Variants in LHFPL2 observed in about 807,000 individuals in gnomAD.
The protein encoded by LHFPL2 is LHFPL tetraspan subfamily member 2 protein.
A neutral mutation model predicts 17.5 loss-of-function variants in LHFPL2; 7 were observed. The observed-to-expected ratio is 0.40, with a 90% confidence interval of 0.23 to 0.75. The LOEUF is 0.75. LHFPL2 is among the 30% of genes least tolerant of loss of function. The pLI, the probability that LHFPL2 is intolerant of heterozygous loss-of-function variation, is 0.37. For missense variants in LHFPL2, 241 were observed against 294.8 expected, an observed-to-expected ratio of 0.82 and a Z score of 1.34; for synonymous variants, 134 against 116.2, an observed-to-expected ratio of 1.15 and a Z score of -0.99.
At chr5:78,637,129 C>T (rs1211668302) in intron 1 of LHFPL2, among the ~76,000 whole-genome samples, 3 of 152,122 alleles carry the variant, frequency 2.0e-5, no homozygotes, top group African/African-American at 4.8e-5. Context: ...CCACTCCAGA[C>T]CTATGAAGCC....
intron 3 of LHFPL2, among the ~76,000 whole-genome samples, chr5:78,518,480 C>G (rs1203665000): frequency 6.6e-6 from 1 of 152,230 alleles, no homozygotes; most frequent in East Asian, 1.9e-4. Context: ...ATTTAGGATT[C>G]ATATTACGCT....
intron 3 of LHFPL2, among the ~76,000 whole-genome samples, chr5:78,513,499 AG>A (rs1435425415): frequency 2.0e-5 from 3 of 152,186 alleles, no homozygotes; most frequent in African/African-American, 7.2e-5. Flanking sequence ...CTACTATCAG[AG>A]GAACAGTGGT....
At chr5:78,600,044 G>T (rs950728581) in intron 2 of LHFPL2, among the ~76,000 whole-genome samples, 1 of 152,024 alleles carries the variant, frequency 6.6e-6, no homozygotes, top group Non-Finnish European at 1.5e-5. Context: ...CCTTCAGAAA[G>T]AGCTACTTCC....
At chr5:78,544,762 CACACACACGTAT>C (rs1406296301) in intron 3 of LHFPL2, among the ~76,000 whole-genome samples, 1 of 151,670 alleles carries the variant, frequency 6.6e-6, no homozygotes, top group Admixed American at 6.6e-5. Context: ...TACACACACA[CACACACACGTAT>C]ACACACACAC....
At position 78,623,666 on chromosome 5, in the gene LHFPL2, T is replaced by C. The variant is rs148847628; in HGVS notation, c.-245+8598A>G. Among the ~76,000 whole-genome samples the C allele has an allele frequency of 5.8e-3, 885 of 152,344 alleles. 8 individuals are homozygous for C. The highest frequency in any genetic ancestry group is 0.02 in the African/African-American group (832 of 41,570). On this transcript the variant is annotated intron_variant, in intron 2 of 4. Transcript: ENST00000380345. Reference sequence around the variant, plus strand: ...GGCACTCCCACCTCACTTTTGTTTATACTTTCAAGAATCCTGAAGAGAATA... The same window carrying C: ...GGCACTCCCACCTCACTTTTGTTTACACTTTCAAGAATCCTGAAGAGAATA...
chr5:78,589,096 GATGAC>G (rs1743533806), intron 2 of LHFPL2, among the ~76,000 whole-genome samples: 2 of 152,124 alleles, frequency 1.3e-5, no homozygotes, highest in Admixed American at 1.3e-4. Flanking sequence ...GTCAGGCCTG[GATGAC>G]CCAGACTGTG....
Position 78,617,871 on chromosome 5 carries a change from AGT to A in LHFPL2, c.-245+14391_-245+14392del, listed in dbSNP as rs1244432631. 5.3e-5 allele frequency among the ~76,000 whole-genome samples: 8 copies of A among 151,520 alleles called. 1 individual carries two copies. The highest frequency in any genetic ancestry group is 1.7e-4 in the African/African-American group (7 of 41,084). On this transcript the variant is annotated intron_variant, in intron 2 of 4. Transcript: ENST00000380345. Reference sequence around the variant, plus strand: ...GCCAAAGAGGCATTAAAGTCTGCAGAGTGGGGCAAAACTTATTCCCAGGCATC... The same window carrying A: ...GCCAAAGAGGCATTAAAGTCTGCAGAGGGGCAAAACTTATTCCCAGGCATC...
intron 3 of LHFPL2, among the ~76,000 whole-genome samples, chr5:78,538,196 G>A (rs563731578): frequency 1.3e-5 from 2 of 152,316 alleles, no homozygotes; most frequent in Admixed American, 6.5e-5. Flanking sequence ...GCAGTCACCT[G>A]ATGTAGATTG....
At chr5:78,489,306 C>A (rs981245400) in intron 4 of LHFPL2, among the ~76,000 whole-genome samples, 153 bp from the exon 5 acceptor site, 1 of 152,194 alleles carries the variant, frequency 6.6e-6, no homozygotes, top group Non-Finnish European at 1.5e-5. Context: ...ACTAATCTGA[C>A]CTGATCAAGA....
At position 78,510,781 on chromosome 5, in the gene LHFPL2, G is replaced by A. The variant is rs926218092; in HGVS notation, c.-185-383C>T. Among the ~76,000 whole-genome samples the A allele has an allele frequency of 2.0e-5, 3 of 152,218 alleles. No individual in the cohort carries two copies. The East Asian group carries it at 5.8e-4, about 29-fold the overall frequency. ...GATCCAGAGAGGAGGAGGCAAGACTGGCAATCAACTCTATTAGTGGATGTT... is the reference window on the plus strand; with the variant it reads ...GATCCAGAGAGGAGGAGGCAAGACTAGCAATCAACTCTATTAGTGGATGTT... On this transcript the variant is annotated intron_variant, in intron 3 of 4. Transcript: ENST00000380345.
chr5:78,531,329 C>T (rs896100333), intron 3 of LHFPL2, among the ~76,000 whole-genome samples: 6 of 150,718 alleles, frequency 4.0e-5, no homozygotes, highest in Admixed American at 1.3e-4. Context: ...GCAGGAGAAT[C>T]GCTTGAATCC....
chr5:78,519,482 G>C (rs2114977), intron 3 of LHFPL2, among the ~76,000 whole-genome samples: 62,909 of 151,940 alleles, frequency 0.41, 13,467 homozygotes, highest in African/African-American at 0.51. Flanking sequence ...ACCTCCACCC[G>C]TCCAGGGCAA....
At chr5:78,534,580 G>A (rs16875600) in intron 3 of LHFPL2, among the ~76,000 whole-genome samples, 4,740 of 152,332 alleles carry the variant, frequency 0.031, 240 homozygotes, top group African/African-American at 0.11. Flanking sequence ...AAGCAAAATA[G>A]GAACAGAACA....
At chr5:78,490,079 G>T (rs1212189539) in intron 4 of LHFPL2, among the ~76,000 whole-genome samples, 8 of 152,210 alleles carry the variant, frequency 5.3e-5, no homozygotes, top group Admixed American at 5.2e-4. Flanking sequence ...TGCAAACTTT[G>T]TAAGGACTTT....
At chr5:78,501,000 T>C (rs1754755953) in intron 4 of LHFPL2, among the ~76,000 whole-genome samples, 1 of 152,174 alleles carries the variant, frequency 6.6e-6, no homozygotes, top group Non-Finnish European at 1.5e-5. Flanking sequence ...TCAGCGAACA[T>C]ACATTTACTG....
chr5:78,561,466 C>G (rs1002849228), intron 3 of LHFPL2, among the ~76,000 whole-genome samples: 5 of 152,156 alleles, frequency 3.3e-5, no homozygotes, highest in Non-Finnish European at 7.4e-5. Flanking sequence ...GTGAAGAGAA[C>G]CCAGGAAGAC....
chr5:78,525,718 G>C (rs1224901876), intron 3 of LHFPL2, among the ~76,000 whole-genome samples: 1 of 152,184 alleles, frequency 6.6e-6, no homozygotes, highest in East Asian at 1.9e-4. Context: ...AGAGGAAAAG[G>C]TAAAAGTGTG....
intron 2 of LHFPL2, among the ~76,000 whole-genome samples, chr5:78,599,449 G>A (rs944094412): frequency 1.3e-5 from 2 of 150,310 alleles, no homozygotes; most frequent in Admixed American, 6.6e-5. Context: ...ACAAGTGTCC[G>A]CCATCATGCC....
chr5:78,609,475 A>AAAAAAAAAAAAAAAAAAAAAAAAAAAG (rs1744341210), intron 2 of LHFPL2, among the ~76,000 whole-genome samples: 1 of 144,090 alleles, frequency 6.9e-6, no homozygotes, highest in African/African-American at 2.9e-5. Context: ...AAAAAAAAAA[A>AAAAAAAAAAAAAAAAAAAAAAAAAAAG]AGAGAGAGAG....
Sources: allele counts gnomAD v4.1 joint callset (sites outside exome capture counted in the v4.1 genomes callset), GRCh38; gene constraint gnomAD v4.1.1; transcripts MANE v1.5; gene names NCBI Gene and HGNC (gene_info 2026-07-23, HGNC 2026-07-21).